Variants in SPIDR observed in about 807,000 individuals in gnomAD.
SPIDR encodes the protein scaffold protein involved in DNA repair, also known as DNA repair-scaffolding protein.
Under a neutral mutation model 104.6 loss-of-function variants are expected in SPIDR, and 93 were observed. The observed-to-expected ratio is 0.89, with a 90% CI of 0.75 to 1.06. The LOEUF (loss-of-function observed/expected upper bound fraction) is 1.06. Ranked by LOEUF, SPIDR falls within the 50% of genes least tolerant of loss-of-function variation. The pLI, the probability that SPIDR is intolerant of heterozygous loss-of-function variation, is 0.00. For synonymous variants in SPIDR, 431 were observed against 416.9 expected, an observed-to-expected ratio of 1.03 and a Z score of -0.41; for missense variants, 1,154 against 1,111.2, an observed-to-expected ratio of 1.04 and a Z score of -0.55.
intron 8 of SPIDR, among the ~76,000 whole-genome samples, chr8:47,490,188 G>T (rs2078442342): frequency 6.6e-6 from 1 of 152,194 alleles, no homozygotes; most frequent in Non-Finnish European, 1.5e-5. Context: ...GTGGGCGAAG[G>T]ATATGAATAG....
rs200466471 is a variant in SPIDR, at chr8:47,313,065, G to A, written c.525+19035G>A. ...AGTGTTGGAAGTTCTGGCCAGGGCA[G>A]TCAGGCAGGAGAAGGAAATAAAGGG... is the stretch of plus-strand genomic sequence containing the variant. On this transcript the variant is annotated intron_variant, in intron 5 of 19. Coordinates refer to ENST00000297423, the MANE Select transcript of SPIDR (RefSeq NM_001080394.4). 7.9e-5 allele frequency among the ~76,000 whole-genome samples: 12 copies of A among 152,100 alleles called. No homozygotes were observed. In the East Asian group the frequency reaches 2.1e-3, roughly 27 times the overall value.
At chr8:47,501,706 A>G (rs1564156675) in intron 8 of SPIDR, among the ~76,000 whole-genome samples, 1 of 152,164 alleles carries the variant, frequency 6.6e-6, no homozygotes, top group Non-Finnish European at 1.5e-5. Context: ...GAGAGAGGGC[A>G]TCCCTGTCTT....
intron 1 of SPIDR, among the ~76,000 whole-genome samples, chr8:47,268,748 C>T (rs930135339): frequency 6.6e-6 from 1 of 152,036 alleles, no homozygotes; most frequent in Admixed American, 6.6e-5. Context: ...ATGAGCCAGC[C>T]GCACCCAGCT....
At chr8:47,358,820 A>G (rs1256572308) in intron 5 of SPIDR, among the ~76,000 whole-genome samples, 1 of 152,128 alleles carries the variant, frequency 6.6e-6, no homozygotes, top group Non-Finnish European at 1.5e-5. Flanking sequence ...ACATTTAGGA[A>G]GTTAGGACGT....
intron 10 of SPIDR, among the ~76,000 whole-genome samples, chr8:47,615,958 C>T (rs1588424995): frequency 6.6e-6 from 1 of 151,658 alleles, no homozygotes; most frequent in East Asian, 1.9e-4. Flanking sequence ...CAGTTTGTTT[C>T]TTAATTTTCT....
At chr8:47,645,233 G>A (rs1051634498) in intron 10 of SPIDR, among the ~76,000 whole-genome samples, 4 of 152,230 alleles carry the variant, frequency 2.6e-5, no homozygotes, top group East Asian at 1.9e-4. Flanking sequence ...TCAGACTGAC[G>A]ACCTGGACCA....
chr8:47,705,455 G>T (rs538328454), intron 14 of SPIDR, among the ~76,000 whole-genome samples: 2 of 152,304 alleles, frequency 1.3e-5, no homozygotes, highest in Non-Finnish European at 2.9e-5. Flanking sequence ...GCTTTTGTGT[G>T]TAAAAGAATC....
At chr8:47,420,726 T>A (rs1371750911) in intron 7 of SPIDR, among the ~76,000 whole-genome samples, 1 of 152,230 alleles carries the variant, frequency 6.6e-6, no homozygotes, top group Non-Finnish European at 1.5e-5. Context: ...TCTTTACAAT[T>A]TGTCATGTTT....
chr8:47,730,021 C>A (rs1040700586), intron 19 of SPIDR, among the ~76,000 whole-genome samples: 2 of 151,870 alleles, frequency 1.3e-5, no homozygotes, highest in Non-Finnish European at 2.9e-5. Flanking sequence ...ACCCAGCCTG[C>A]CCCCTGGCTT....
chr8:47,396,775 T>C (rs2061298649), intron 6 of SPIDR, 149 bp downstream of exon 6: 1 of 840,186 alleles, frequency 1.2e-6, no homozygotes, highest in Non-Finnish European at 1.8e-6. Flanking sequence ...TTGAGGGTCA[T>C]GGCTTTACTC....
chr8:47,679,088 T>C (rs2076787114), intron 11 of SPIDR, among the ~76,000 whole-genome samples: 1 of 152,184 alleles, frequency 6.6e-6, no homozygotes, highest in African/African-American at 2.4e-5. Context: ...TGCCTCCTGC[T>C]GCAACCACCA....
chr8:47,397,560 G>C (rs781886550), intron 6 of SPIDR, among the ~76,000 whole-genome samples: 3 of 152,188 alleles, frequency 2.0e-5, no homozygotes, highest in Non-Finnish European at 2.9e-5. Flanking sequence ...AAAAGCAAAA[G>C]TAATAGAGCA....
chr8:47,527,033 C>T (rs541574257), intron 8 of SPIDR, among the ~76,000 whole-genome samples: 79 of 152,288 alleles, frequency 5.2e-4, no homozygotes, highest in Non-Finnish European at 9.7e-4. Context: ...GCAAGTTACA[C>T]TCCAGGGGGT....
At chr8:47,452,075 T>C (rs1408887017) in intron 8 of SPIDR, among the ~76,000 whole-genome samples, 2 of 152,126 alleles carry the variant, frequency 1.3e-5, no homozygotes, top group African/African-American at 4.8e-5. Flanking sequence ...GCCAATGTAC[T>C]TCAAGCATAA....
chr8:47,617,313 G>A (rs1175732834), intron 10 of SPIDR, among the ~76,000 whole-genome samples: 1 of 152,198 alleles, frequency 6.6e-6, no homozygotes, highest in Non-Finnish European at 1.5e-5. Context: ...ACCTAAGATA[G>A]TCTGAAGCAA....
At chr8:47,353,052 CAA>C (rs57853552) in intron 5 of SPIDR, among the ~76,000 whole-genome samples, 279 of 75,534 alleles carry the variant, frequency 3.7e-3, no homozygotes, top group African/African-American at 0.016. Context: ...GACTCTATCT[CAA>C]AAAAAAAAAA....
intron 1 of SPIDR, among the ~76,000 whole-genome samples, chr8:47,265,946 C>G (rs1348414346): frequency 6.6e-6 from 1 of 151,368 alleles, no homozygotes. Flanking sequence ...CCCGTAACTT[C>G]TAATCACCTG....
chr8:47,693,808 C>G (rs545243423), intron 11 of SPIDR, among the ~76,000 whole-genome samples: 11 of 152,344 alleles, frequency 7.2e-5, no homozygotes, highest in Admixed American at 5.9e-4. Flanking sequence ...CAGAACCCAA[C>G]AGTGATTCTT....
At chr8:47,589,941 G>A (rs776725163) in intron 8 of SPIDR, among the ~76,000 whole-genome samples, 18 of 152,104 alleles carry the variant, frequency 1.2e-4, no homozygotes, top group Admixed American at 9.8e-4. Flanking sequence ...GCTGGGGTGG[G>A]TGGATCACCT....
Sources: gnomAD v4.1 joint callset for allele counts (sites outside exome capture counted in the v4.1 genomes callset) on GRCh38, gnomAD v4.1.1 for gene constraint, MANE v1.5 for transcripts, NCBI Gene and HGNC (gene_info 2026-07-23, HGNC 2026-07-21) for gene names.